IQCJ: variants seen among roughly 807,000 people sequenced by gnomAD.
The protein encoded by IQCJ is IQ motif containing J.
IQCJ carries 9 observed loss-of-function variants against 11.0 expected under a neutral mutation model. The ratio of observed to expected loss-of-function variants is 0.82; its 90% CI spans 0.49 to 1.43. The LOEUF (loss-of-function observed/expected upper bound fraction) is 1.43. IQCJ is among the 40% of genes most tolerant of loss of function. The pLI, the probability that IQCJ is intolerant of heterozygous loss-of-function variation, is 0.00. For missense variants in IQCJ, 146 were observed against 133.2 expected, an observed-to-expected ratio of 1.10 and a Z score of -0.47; for synonymous variants, 55 against 51.3, an observed-to-expected ratio of 1.07 and a Z score of -0.31.
intron 1 of IQCJ, among the ~76,000 whole-genome samples, chr3:159,233,015 T>C (rs1005168192): frequency 2.0e-5 from 3 of 152,190 alleles, no homozygotes; most frequent in Non-Finnish European, 2.9e-5. Context: ...CTCCAGATAA[T>C]TGAGGTAATG....
chr3:159,117,882 T>C (rs1719121150), intron 1 of IQCJ, among the ~76,000 whole-genome samples: 2 of 149,388 alleles, frequency 1.3e-5, no homozygotes, highest in Admixed American at 1.3e-4. Context: ...TCAGGTTTAC[T>C]AGCTACTGTG....
chr3:159,124,788 A>G (rs1719577598), intron 1 of IQCJ, among the ~76,000 whole-genome samples: 1 of 152,222 alleles, frequency 6.6e-6, no homozygotes, highest in Non-Finnish European at 1.5e-5. Flanking sequence ...GAATGAATGA[A>G]TAAATGTATG....
chr3:159,069,833 C>A (rs1394202319), intron 1 of IQCJ: 3 of 446,562 alleles, frequency 6.7e-6, no homozygotes, highest in East Asian at 1.4e-4. Flanking sequence ...ATTTAAAAAG[C>A]CCTCCTTTCT....
At chr3:159,243,593 G>A (rs1036437374) in intron 1 of IQCJ, among the ~76,000 whole-genome samples, 11 of 152,198 alleles carry the variant, frequency 7.2e-5, no homozygotes, top group African/African-American at 1.2e-4. Flanking sequence ...CAGAACAGGG[G>A]TGCCTTTGGG....
At chr3:159,144,275 C>T (rs564472517) in intron 1 of IQCJ, among the ~76,000 whole-genome samples, 1 of 152,294 alleles carries the variant, frequency 6.6e-6, no homozygotes, top group East Asian at 1.9e-4. Context: ...GCCTCTTGAA[C>T]CTTTGTTCTT....
chr3:159,161,819 T>C (rs1251232068), intron 1 of IQCJ, among the ~76,000 whole-genome samples: 1 of 152,222 alleles, frequency 6.6e-6, no homozygotes, highest in Non-Finnish European at 1.5e-5. Flanking sequence ...TTTCTCAGGT[T>C]TGTCAAAGAT....
chr3:159,116,935 G>A (rs952243), intron 1 of IQCJ, among the ~76,000 whole-genome samples: 103,221 of 151,534 alleles, frequency 0.68, 35,223 homozygotes, highest in East Asian at 0.71. Context: ...ATGAGCAGAA[G>A]TAGGAGACCT....
intron 1 of IQCJ, among the ~76,000 whole-genome samples, chr3:159,215,428 T>A (rs928647186): frequency 6.6e-6 from 1 of 152,100 alleles, no homozygotes; most frequent in Non-Finnish European, 1.5e-5. Context: ...AATATTGAAA[T>A]GCCAAGGTGC....
chr3:159,151,830 T>G (rs2108203471), intron 1 of IQCJ, among the ~76,000 whole-genome samples: 1 of 152,256 alleles, frequency 6.6e-6, no homozygotes, highest in Admixed American at 6.5e-5. Context: ...AGAGACGGGG[T>G]TTCACTGTGT....
chr3:159,122,668 A>C (rs552388321), intron 1 of IQCJ, among the ~76,000 whole-genome samples: 2 of 152,356 alleles, frequency 1.3e-5, no homozygotes, highest in South Asian at 4.1e-4. Context: ...ATATAGAATA[A>C]AAATGATACG....
chr3:159,087,662 A>G (rs1284903473), intron 1 of IQCJ, among the ~76,000 whole-genome samples: 1 of 140,094 alleles, frequency 7.1e-6, no homozygotes, highest in East Asian at 2.1e-4. Flanking sequence ...TGTATGTGTC[A>G]AGGAATTTAT....
At chr3:159,172,721 C>T (rs1023180740) in intron 1 of IQCJ, among the ~76,000 whole-genome samples, 1 of 118,882 alleles carries the variant, frequency 8.4e-6, no homozygotes, top group African/African-American at 3.3e-5. Context: ...AGAGGTGACA[C>T]AGAAAGAGCT....
intron 1 of IQCJ, among the ~76,000 whole-genome samples, chr3:159,115,827 C>T (rs550642401): frequency 8.2e-4 from 125 of 152,216 alleles, no homozygotes; most frequent in African/African-American, 2.6e-3. Flanking sequence ...CCAAACACCA[C>T]ATGTTCTCAC....
intron 1 of IQCJ, among the ~76,000 whole-genome samples, chr3:159,192,635 C>A (rs992990653): frequency 4.6e-5 from 7 of 152,142 alleles, no homozygotes; most frequent in Non-Finnish European, 5.9e-5. Flanking sequence ...GGGGGCGGAA[C>A]CTTAGGCAAG....
chr3:159,218,450 G>A (rs1464534330), intron 1 of IQCJ, among the ~76,000 whole-genome samples: 1 of 152,068 alleles, frequency 6.6e-6, no homozygotes. Context: ...ACATGTTTGG[G>A]ATGGGTCTAG....
At chr3:159,256,496 T>C (rs749230334) in intron 3 of IQCJ, among the ~76,000 whole-genome samples, 28 of 152,166 alleles carry the variant, frequency 1.8e-4, no homozygotes, top group Admixed American at 3.3e-4. Flanking sequence ...TAAAAGAAGA[T>C]ATGAGAGAAG....
chr3:159,072,994 T>G (rs1431807256), intron 1 of IQCJ, among the ~76,000 whole-genome samples: 2 of 152,088 alleles, frequency 1.3e-5, no homozygotes, highest in Non-Finnish European at 2.9e-5. Flanking sequence ...GAATTAGTAG[T>G]GCAAGTGGTT....
Position 159,114,247 on chromosome 3 carries a change from T to C in IQCJ, c.9+44806T>C, listed in dbSNP as rs1718814434. On this transcript the variant is annotated intron_variant, in intron 1 of 3. Coordinates refer to ENST00000397832, the MANE Select transcript of IQCJ (RefSeq NM_001042706.3). ...CTAAGTTCCTTTGGTGTATGAATAA[T>C]CTTTTGTATCTCACACTTATCAGTG... Among the ~76,000 whole-genome samples, 5 of 152,244 alleles carry C rather than the reference T, an allele frequency of 3.3e-5. No homozygotes were observed. The South Asian group carries it at 1.0e-3, about 32-fold the overall frequency.
chr3:159,168,360 A>C (rs1384943214), intron 1 of IQCJ, among the ~76,000 whole-genome samples: 1 of 152,228 alleles, frequency 6.6e-6, no homozygotes, highest in Non-Finnish European at 1.5e-5. Context: ...CTGCAGCAAA[A>C]ATACTGTGTA....
Sources: allele counts gnomAD v4.1 joint callset (sites outside exome capture counted in the v4.1 genomes callset), GRCh38; gene constraint gnomAD v4.1.1; transcripts MANE v1.5; gene names NCBI Gene and HGNC (gene_info 2026-07-23, HGNC 2026-07-21).